The following TTC7A variants were observed in gnomAD, a reference collection of about 807,000 sequenced individuals.
TTC7A encodes tetratricopeptide repeat protein 7A.
TTC7A carries 110 observed loss-of-function variants against 103.7 expected under a neutral mutation model. The ratio of observed to expected loss-of-function variants is 1.06; its 90% CI spans 0.91 to 1.24. The LOEUF (loss-of-function observed/expected upper bound fraction) is 1.24, where lower values mean the gene tolerates loss of function less well. Among genes scored for constraint, TTC7A ranks in the 50% most tolerant of loss-of-function variants. The pLI is 0.00. For synonymous variants in TTC7A, 521 were observed against 467.9 expected, an observed-to-expected ratio of 1.11 and a Z score of -1.47; for missense variants, 1,340 against 1,116.3, an observed-to-expected ratio of 1.20 and a Z score of -2.86.
intron 8 of TTC7A, among the ~76,000 whole-genome samples, chr2:47,003,931 G>T (rs1486689260): frequency 6.6e-6 from 1 of 152,220 alleles, no homozygotes; most frequent in African/African-American, 2.4e-5. Context: ...TGTATTCCTA[G>T]TTGGCTCAGG....
At chr2:46,946,782 C>T (rs1173391812) in intron 1 of TTC7A, among the ~76,000 whole-genome samples, 1 of 151,378 alleles carries the variant, frequency 6.6e-6, no homozygotes, top group Admixed American at 6.6e-5. Context: ...CCTTCAGTTC[C>T]ATAGACTGAA....
rs914263470 is a variant in TTC7A at position 47,046,807 on chromosome 2, T to C, written c.1919+376T>C. On this transcript the variant is annotated intron_variant, in intron 16 of 19. Transcript: ENST00000319190. ...GAAACTCAGACACAGAGACTTTATA[T>C]ATAGCTTACCAGAATCACTCGCCTG... 5 of 252,736 alleles carry C rather than the reference T, an allele frequency of 2.0e-5. No individual in the cohort carries two copies. The Admixed American group carries it at 2.0e-4, about 10-fold the overall frequency. 15.7% of individuals were successfully genotyped at this position (252,736 alleles called of 1,614,324 possible). A position where few individuals can be genotyped will look rare whatever the true frequency, so the allele number is the denominator to read the frequency against.
rs1283671831 is a variant in TTC7A, at chr2:47,051,806, C to T, written c.2078C>T (p.Thr693Ile). ...SRLEEAMSEL[T>I]MPSSVLKQGP... is the part of the protein sequence containing the mutation. Reference sequence around the variant, plus strand: ...CTGGAGGAGGCCATGTCAGAGCTGACTATGCCCTCTTCGGTCCTGAAGCAG... The same window carrying T: ...CTGGAGGAGGCCATGTCAGAGCTGATTATGCCCTCTTCGGTCCTGAAGCAG... Residue 693 changes from threonine (T) to isoleucine (I), a missense_variant, in exon 18 of 20, where the codon ACT becomes ATT. By Grantham distance (89) the Thr-to-Ile change is moderately conservative. Coordinates refer to ENST00000319190, the MANE Select transcript of TTC7A (RefSeq NM_020458.4). The T allele has an allele frequency of 6.2e-7, 1 of 1,612,028 alleles. No individual in the cohort carries two copies. Among genetic ancestry groups the T allele is most frequent in the Non-Finnish European group, 8.5e-7 (1 of 1,179,814 alleles).
rs761038284 is a variant in TTC7A, at chr2:47,073,906, AT to A, written c.2561del (p.Ile854ThrfsTer77). ...CAGCCCTGTACTGCCCTTCTCCATCATCCCCAGAGAGCTCTGACGACGCTGC... is the reference window on the plus strand; with the variant it reads ...CAGCCCTGTACTGCCCTTCTCCATCACCCCAGAGAGCTCTGACGACGCTGC... ...ASSPVLPFSI[I>X]PREL is the part of the protein sequence containing the mutation. On this transcript the variant is annotated frameshift_variant, in exon 20 of 20. Coordinates refer to ENST00000319190, the MANE Select transcript of TTC7A (RefSeq NM_020458.4). LOFTEE classifies it high-confidence loss of function. The A allele has an allele frequency of 6.2e-7, 1 of 1,612,266 alleles. No individual in the cohort carries two copies. Among genetic ancestry groups the A allele is most frequent in the Non-Finnish European group, 8.5e-7 (1 of 1,179,596 alleles).
rs114342542 is a variant in TTC7A at position 47,067,591 on chromosome 2, G to T, written c.2356-6111G>T. 1.5e-3 allele frequency among the ~76,000 whole-genome samples: 227 copies of T among 152,342 alleles called. 2 individuals carry two copies. The highest frequency in any genetic ancestry group is 5.1e-3 in the African/African-American group (214 of 41,574). On this transcript the variant is annotated intron_variant, in intron 19 of 19. Transcript: ENST00000319190. ...ATGAGTATCAGAGCTGGCTCTGGAG[G>T]AGGCACCTGCAGGTTGGAGCAGGGC...
intron 1 of TTC7A, among the ~76,000 whole-genome samples, chr2:46,943,827 G>T (rs1399565198): frequency 3.9e-5 from 6 of 152,160 alleles, no homozygotes; most frequent in Non-Finnish European, 8.8e-5. Context: ...TCTGAGATGG[G>T]GTTGAAACCC....
chr2:47,061,616 T>C (rs988190538), intron 19 of TTC7A, among the ~76,000 whole-genome samples: 2 of 152,226 alleles, frequency 1.3e-5, no homozygotes, highest in African/African-American at 2.4e-5. Flanking sequence ...AGGATGCTGA[T>C]ACTCTTGTCC....
At chr2:46,924,291 G>A (rs1039994174) in intron 2 of TTC7A, among the ~76,000 whole-genome samples, 2 of 150,954 alleles carry the variant, frequency 1.3e-5, no homozygotes, top group Middle Eastern at 3.3e-3. Context: ...AACCCCCCAG[G>A]GAAGCCTTGG....
intron 2 of TTC7A, among the ~76,000 whole-genome samples, chr2:46,927,884 GTT>G (rs566447236): frequency 0.021 from 1,552 of 73,218 alleles, 45 homozygotes; most frequent in African/African-American, 0.085. Context: ...TTTTTTTGGT[GTT>G]TTTTTTTTTT....
chr2:47,040,692 A>G (rs1221711452), intron 15 of TTC7A, among the ~76,000 whole-genome samples: 4 of 152,234 alleles, frequency 2.6e-5, no homozygotes, highest in Non-Finnish European at 4.4e-5. Flanking sequence ...GCTTCAAAGC[A>G]GGAGTCCCTT....
chr2:47,015,749 G>T (rs191560803), intron 11 of TTC7A, among the ~76,000 whole-genome samples: 42 of 152,250 alleles, frequency 2.8e-4, no homozygotes, highest in Admixed American at 3.3e-4. Context: ...TGATGTTTTT[G>T]ACTTCATTTT....
At chr2:47,029,943 C>A (rs747404620) in intron 15 of TTC7A, among the ~76,000 whole-genome samples, 1 of 152,206 alleles carries the variant, frequency 6.6e-6, no homozygotes, top group Non-Finnish European at 1.5e-5. Flanking sequence ...ACACAGAGGA[C>A]CTGCTGCCAC....
intron 19 of TTC7A, chr2:47,068,178 A>T (rs555780401): frequency 7.9e-5 from 12 of 152,246 alleles, no homozygotes; most frequent in African/African-American, 2.6e-4. Flanking sequence ...CTGTTTTCTG[A>T]CTTGAAGGAG....
intron 15 of TTC7A, among the ~76,000 whole-genome samples, chr2:47,038,848 C>A (rs1400207612): frequency 6.6e-6 from 1 of 151,888 alleles, no homozygotes; most frequent in East Asian, 1.9e-4. Context: ...CCTTGGTGAG[C>A]CCTTGTGACT....
chr2:47,054,913 A>T (rs1488202761), intron 18 of TTC7A, among the ~76,000 whole-genome samples: 1 of 151,746 alleles, frequency 6.6e-6, no homozygotes, highest in African/African-American at 2.4e-5. Context: ...CACAACCGCC[A>T]CGGCCAGGAA....
intron 11 of TTC7A, among the ~76,000 whole-genome samples, 198 bp from the exon 12 acceptor site, chr2:47,021,664 G>T (rs539188314): frequency 6.6e-6 from 1 of 152,226 alleles, no homozygotes; most frequent in Non-Finnish European, 1.5e-5. Flanking sequence ...AAACTGGCCC[G>T]GTCTTGGGTT....
intron 2 of TTC7A, among the ~76,000 whole-genome samples, chr2:46,924,175 G>A (rs930843416): frequency 6.7e-6 from 1 of 150,214 alleles, no homozygotes; most frequent in African/African-American, 2.5e-5. Flanking sequence ...CTGCACTCCA[G>A]TCTGGGTGAC....
intron 3 of TTC7A, among the ~76,000 whole-genome samples, chr2:46,973,423 C>T (rs1430744505): frequency 6.6e-6 from 1 of 152,216 alleles, no homozygotes; most frequent in Non-Finnish European, 1.5e-5. Context: ...ACCCTTGCTA[C>T]CCTCATTTAT....
chr2:47,005,168 G>A (rs1677244116), intron 8 of TTC7A, among the ~76,000 whole-genome samples: 1 of 152,194 alleles, frequency 6.6e-6, no homozygotes, highest in Admixed American at 6.5e-5. Flanking sequence ...GGGGAGGGAC[G>A]GAGGAGAGTT....
Sources: allele counts gnomAD v4.1 joint callset (sites outside exome capture counted in the v4.1 genomes callset), GRCh38; gene constraint gnomAD v4.1.1; transcripts MANE v1.5; gene names NCBI Gene and HGNC (gene_info 2026-07-23, HGNC 2026-07-21).